MCTP1: variants seen among roughly 807,000 people sequenced by gnomAD.
MCTP1 encodes the protein multiple C2 and transmembrane domain-containing protein 1.
MCTP1 carries 69 observed loss-of-function variants against 120.6 expected under a neutral mutation model. That is an observed-to-expected ratio of 0.57 (90% CI 0.47 to 0.70). The LOEUF is 0.70. Ranked by LOEUF, MCTP1 falls within the 30% of genes least tolerant of loss-of-function variation. MCTP1 has a pLI of 0.00. For synonymous variants in MCTP1, 529 were observed against 493.1 expected (o/e 1.07, Z -0.96); for missense variants, 1,203 against 1,248.8 (o/e 0.96, Z 0.55).
At chr5:95,214,441 G>A (rs1357652635) in intron 1 of MCTP1, among the ~76,000 whole-genome samples, 2 of 152,026 alleles carry the variant, frequency 1.3e-5, no homozygotes, top group Non-Finnish European at 2.9e-5. Context: ...TTCAACCATT[G>A]TGGAAGTCAG....
chr5:94,924,334 A>G (rs1812463986), intron 6 of MCTP1, among the ~76,000 whole-genome samples: 1 of 152,174 alleles, frequency 6.6e-6, no homozygotes, highest in Non-Finnish European at 1.5e-5. Context: ...ATATTTTAAT[A>G]TTTTAAAGTA....
chr5:95,066,919 G>A (rs1420149109), intron 1 of MCTP1, among the ~76,000 whole-genome samples: 3 of 152,144 alleles, frequency 2.0e-5, no homozygotes, highest in Admixed American at 2.0e-4. Flanking sequence ...TCCCTCACAT[G>A]CGCAGTTCAC....
rs111496170 is a variant in MCTP1 at position 94,714,088 on chromosome 5, T to A, written c.2720+689A>T. ...TGATAATTGCTGTAAATACACCTTT[T>A]AAAAAAAATATAACATTAGTTTAGA... On this transcript the variant is annotated intron_variant, in intron 20 of 22. Coordinates refer to ENST00000515393, the MANE Select transcript of MCTP1 (RefSeq NM_024717.7). Among the ~76,000 whole-genome samples the A allele has an allele frequency of 2.2e-3, 332 of 151,994 alleles. 2 individuals are homozygous for A. The highest frequency in any genetic ancestry group is 7.8e-3 in the African/African-American group (323 of 41,486).
At chr5:95,132,988 G>A (rs1370045743) in intron 1 of MCTP1, among the ~76,000 whole-genome samples, 1 of 152,100 alleles carries the variant, frequency 6.6e-6, no homozygotes, top group African/African-American at 2.4e-5. Context: ...GTTAGAACCA[G>A]GTTAGGAGCT....
chr5:95,258,284 G>A (rs1004653028), intron 1 of MCTP1, among the ~76,000 whole-genome samples: 5 of 152,186 alleles, frequency 3.3e-5, no homozygotes, highest in African/African-American at 9.7e-5. Flanking sequence ...GTGATGTGAT[G>A]AGAATGGCAC....
intron 17 of MCTP1, among the ~76,000 whole-genome samples, chr5:94,856,245 G>A (rs190190526): frequency 1.3e-5 from 2 of 151,774 alleles, no homozygotes; most frequent in Admixed American, 1.3e-4. Context: ...TCATGTTAAA[G>A]GGAATCCTCT....
intron 22 of MCTP1, 71 bp downstream of exon 22, chr5:94,708,441 G>T: frequency 2.2e-6 from 2 of 895,012 alleles, no homozygotes; most frequent in Non-Finnish European, 1.8e-6. Context: ...AAATTAGAAG[G>T]ATATAAAAGC....
chr5:95,112,381 T>G (rs983664934), intron 1 of MCTP1, among the ~76,000 whole-genome samples: 1 of 152,216 alleles, frequency 6.6e-6, no homozygotes, highest in Admixed American at 6.5e-5. Flanking sequence ...ATCTACATCA[T>G]GCAGTGACAT....
intron 17 of MCTP1, chr5:94,826,408 C>A (rs1339628389): frequency 1.1e-5 from 7 of 643,638 alleles, no homozygotes; most frequent in Non-Finnish European, 1.4e-5. Context: ...ACCATTGATA[C>A]CTCTGATCCT....
At chr5:94,840,117 CCA>C (rs751163575) in intron 17 of MCTP1, among the ~76,000 whole-genome samples, 60 of 152,140 alleles carry the variant, frequency 3.9e-4, no homozygotes, top group Non-Finnish European at 1.5e-4. Context: ...TCAATGAATC[CCA>C]TATGCTAAAA....
chr5:95,022,595 G>A (rs979330345), intron 1 of MCTP1, among the ~76,000 whole-genome samples: 1 of 152,074 alleles, frequency 6.6e-6, no homozygotes, highest in Non-Finnish European at 1.5e-5. Flanking sequence ...ATATCTTTAC[G>A]AGCACCTGAT....
chr5:94,923,799 AG>A (rs1487005668), intron 7 of MCTP1, among the ~76,000 whole-genome samples, 162 bp downstream of exon 7: 4 of 152,314 alleles, frequency 2.6e-5, no homozygotes, highest in African/African-American at 9.6e-5. Context: ...TAGAAATAAA[AG>A]TGAGTTACCT....
intron 3 of MCTP1, among the ~76,000 whole-genome samples, chr5:94,944,650 C>G (rs1485676840): frequency 2.2e-4 from 33 of 152,188 alleles, no homozygotes; most frequent in Non-Finnish European, 1.5e-5. Flanking sequence ...CCTCTTTTCA[C>G]TCTCCTAGTG....
At chr5:94,885,236 C>T (rs1330185271) in intron 12 of MCTP1, among the ~76,000 whole-genome samples, 1 of 151,102 alleles carries the variant, frequency 6.6e-6, no homozygotes, top group East Asian at 1.9e-4. Context: ...TCTCCCATGT[C>T]GCTGTTTCTG....
intron 1 of MCTP1, among the ~76,000 whole-genome samples, chr5:95,101,569 A>G (rs1326617178): frequency 6.6e-6 from 1 of 152,206 alleles, no homozygotes; most frequent in African/African-American, 2.4e-5. Context: ...ACTCCAGTCA[A>G]TCAATCAGGT....
At chr5:94,764,961 A>G (rs1204524486) in intron 19 of MCTP1, among the ~76,000 whole-genome samples, 1 of 152,118 alleles carries the variant, frequency 6.6e-6, no homozygotes. Context: ...TCATCAGCAC[A>G]TGGGACATTC....
intron 3 of MCTP1, among the ~76,000 whole-genome samples, chr5:94,948,537 C>T (rs1819694818): frequency 6.6e-6 from 1 of 152,050 alleles, no homozygotes; most frequent in South Asian, 2.1e-4. Flanking sequence ...TGAAACAAAA[C>T]ATCTGAGATA....
chr5:95,284,194 G>C lies in MCTP1; in HGVS notation c.382C>G (p.His128Asp), dbSNP rs1487162126. The change falls in exon 1 of 23, where the codon CAT (histidine) becomes GAT (aspartate). Residue 128 changes from histidine to aspartate, a missense_variant. His to Asp is a moderately conservative substitution (Grantham distance 81, BLOSUM62 -1). Around this residue, in one of 2 missense-constraint regions of MCTP1, gnomAD observed 463 missense variants for 377.8 expected, o/e 1.23. Coordinates refer to ENST00000515393, the MANE Select transcript of MCTP1 (RefSeq NM_024717.7). This position sits in a 1 kb window ranked among gnomAD's most constrained non-coding sequence, Gnocchi z 5.2. ...GGCCCCTTTACGGCGGGGAGCAAAT[G>C]CTCGCGGATCCGGCGGCGTAGCGTG... ...GSTLRRRIRE[H>D]LLPAVKGPAA... The C allele has an allele frequency of 1.3e-6, 2 of 1,546,808 alleles. No individual in the cohort carries two copies.
chr5:94,749,018 C>A (rs1291013602), intron 19 of MCTP1, among the ~76,000 whole-genome samples: 1 of 152,092 alleles, frequency 6.6e-6, no homozygotes, highest in Admixed American at 6.5e-5. Flanking sequence ...GTAATTGTGG[C>A]CCCAGAGCAT....
Sources: gnomAD v4.1 joint callset for allele counts (sites outside exome capture counted in the v4.1 genomes callset) on GRCh38, gnomAD v4.1.1 for gene constraint, gnomAD v4.1.1 regional missense constraint, Gnocchi (gnomAD v3.1) non-coding constraint, MANE v1.5 for transcripts, NCBI Gene and HGNC (gene_info 2026-07-23, HGNC 2026-07-21) for gene names.